Variants in LRCH1 observed in about 807,000 individuals in gnomAD.
The protein encoded by LRCH1 is leucine-rich repeat and calponin homology domain-containing protein 1.
In LRCH1, 23 loss-of-function variants were observed where a neutral mutation model predicts 94.9. That is an observed-to-expected ratio of 0.24 (90% CI 0.17 to 0.34). The LOEUF is 0.34. LRCH1 is among the 10% of genes least tolerant of loss of function. The pLI, the probability that LRCH1 is intolerant of heterozygous loss-of-function variation, is 1.00. For missense variants in LRCH1, 790 were observed against 945.9 expected, an observed-to-expected ratio of 0.84 and a Z score of 2.16; for synonymous variants, 364 against 354.9, an observed-to-expected ratio of 1.03 and a Z score of -0.29.
exon 19 of LRCH1, chr13:46,750,560 C>T (rs751194615): frequency 6.4e-7 from 1 of 1,551,498 alleles, no homozygotes; most frequent in Non-Finnish European, 8.7e-7. Context: ...GTCTCCCCCA[C>T]CACATCCTTG....
At chr13:46,678,448 T>C (rs546419782) in intron 3 of LRCH1, among the ~76,000 whole-genome samples, 6 of 152,344 alleles carry the variant, frequency 3.9e-5, no homozygotes, top group Admixed American at 2.0e-4. Context: ...TGTTATCTTA[T>C]GTGCTAAATC....
chr13:46,750,684 G>GC, exon 19 of LRCH1: 3 of 1,439,444 alleles, frequency 2.1e-6, no homozygotes, highest in Non-Finnish European at 2.9e-6. Flanking sequence ...CTCAGACTCT[G>GC]CTCTCATCCA....
At chr13:46,629,951 G>T (rs1219365872) in intron 1 of LRCH1, among the ~76,000 whole-genome samples, 4 of 152,198 alleles carry the variant, frequency 2.6e-5, no homozygotes, top group Non-Finnish European at 1.5e-5. Context: ...GAATGAATAG[G>T]ATTAAAGTAA....
intron 1 of LRCH1, among the ~76,000 whole-genome samples, chr13:46,641,142 G>C (rs1164527953): frequency 6.6e-6 from 1 of 152,170 alleles, no homozygotes; most frequent in Admixed American, 6.5e-5. Flanking sequence ...GGGGTGTCTA[G>C]AGGAGTGGGA....
chr13:46,655,485 A>G (rs1349096494), intron 2 of LRCH1, among the ~76,000 whole-genome samples: 2 of 152,228 alleles, frequency 1.3e-5, no homozygotes, highest in Non-Finnish European at 2.9e-5. Flanking sequence ...TTAGTTTAGT[A>G]TATGTGCCAC....
intron 1 of LRCH1, among the ~76,000 whole-genome samples, chr13:46,621,625 T>C (rs2050881030): frequency 6.6e-6 from 1 of 152,190 alleles, no homozygotes; most frequent in South Asian, 2.1e-4. Flanking sequence ...TTGTTTCCCA[T>C]TGCTCTAACT....
intron 2 of LRCH1, among the ~76,000 whole-genome samples, chr13:46,659,459 C>G (rs1272160120): frequency 6.6e-6 from 1 of 152,126 alleles, no homozygotes; most frequent in East Asian, 1.9e-4. Context: ...TCCCAAAGTG[C>G]TAGGACTGTA....
intron 1 of LRCH1, among the ~76,000 whole-genome samples, chr13:46,609,131 C>A (rs934933380): frequency 6.6e-6 from 1 of 152,208 alleles, no homozygotes; most frequent in African/African-American, 2.4e-5. Flanking sequence ...CAATTTAAAA[C>A]CAGGTGAGCA....
chr13:46,609,548 G>A (rs2050724710), intron 1 of LRCH1, among the ~76,000 whole-genome samples: 1 of 152,048 alleles, frequency 6.6e-6, no homozygotes, highest in Non-Finnish European at 1.5e-5. Flanking sequence ...GTCTCATAGA[G>A]AGTTTTAAAA....
At chr13:46,710,576 T>A (rs183281785) in intron 13 of LRCH1, among the ~76,000 whole-genome samples, 170 of 152,264 alleles carry the variant, frequency 1.1e-3, no homozygotes, top group Non-Finnish European at 1.6e-3. Flanking sequence ...AAAGAATTGC[T>A]TATAGAAAGA....
chr13:46,700,885 G>C (rs1203916822), intron 10 of LRCH1, among the ~76,000 whole-genome samples: 1 of 152,208 alleles, frequency 6.6e-6, no homozygotes, highest in African/African-American at 2.4e-5. Context: ...GCACAGGCAT[G>C]AAAATCTTAT....
chr13:46,745,142 T>C (rs1873859479), downstream of LRCH1, among the ~76,000 whole-genome samples: 1 of 152,236 alleles, frequency 6.6e-6, no homozygotes, highest in South Asian at 2.1e-4. Flanking sequence ...TTTAGGCTTC[T>C]TGGGCCATGC....
At chr13:46,564,405 A>G (rs952317389) in intron 1 of LRCH1, among the ~76,000 whole-genome samples, 2 of 152,240 alleles carry the variant, frequency 1.3e-5, no homozygotes, top group Non-Finnish European at 2.9e-5. Context: ...CAGTTCCAAC[A>G]TGAAATCCCG....
At chr13:46,692,315 C>T (rs1203886905) in intron 7 of LRCH1, among the ~76,000 whole-genome samples, 1 of 152,114 alleles carries the variant, frequency 6.6e-6, no homozygotes, top group Admixed American at 6.5e-5. Flanking sequence ...CCCAGAAAGC[C>T]CCACCCCGAC....
intron 1 of LRCH1, among the ~76,000 whole-genome samples, chr13:46,585,572 C>CAAAA (rs75737018): frequency 8.9e-5 from 12 of 134,740 alleles, no homozygotes; most frequent in South Asian, 7.3e-4. Flanking sequence ...AAAAAAAAAA[C>CAAAA]AAAAAAACGC....
intron 1 of LRCH1, among the ~76,000 whole-genome samples, chr13:46,587,624 G>A (rs1264563838): frequency 6.6e-6 from 1 of 152,168 alleles, no homozygotes; most frequent in African/African-American, 2.4e-5. Flanking sequence ...TAACGGTCAT[G>A]GTTAGTTAGG....
chr13:46,669,238 T>A (rs899210661), intron 3 of LRCH1, 82 bp downstream of exon 3: 30 of 1,535,738 alleles, frequency 2.0e-5, no homozygotes, highest in African/African-American at 1.9e-4. Flanking sequence ...ACCTTTTTGC[T>A]ACGGTTGGAC....
chr13:46,627,477 G>C (rs905183489), intron 1 of LRCH1, among the ~76,000 whole-genome samples: 8 of 152,008 alleles, frequency 5.3e-5, no homozygotes, highest in Non-Finnish European at 1.2e-4. Context: ...AAAAAATCGA[G>C]AAGTTGAATG....
chr13:46,741,632 C>CTCGGA lies in LRCH1; in HGVS notation c.2086-9_2086-5dup. 6.2e-7 allele frequency: 1 copy of CTCGGA among 1,614,004 alleles called. No individual in the cohort carries two copies. Among genetic ancestry groups the CTCGGA allele is most frequent in the Non-Finnish European group, 8.5e-7 (1 of 1,179,936 alleles). ...GTCTCTTTCTGTTCTAATGGCTGCC[C>CTCGGA]TCGGAATAGGCTGACCTCTGCTCTC... On this transcript the variant is annotated splice_polypyrimidine_tract_variant and intron_variant, in intron 19 of 19. Coordinates refer to ENST00000389797, the MANE Select transcript of LRCH1 (RefSeq NM_001164211.2).
Sources: gnomAD v4.1 joint callset for allele counts (sites outside exome capture counted in the v4.1 genomes callset) on GRCh38, gnomAD v4.1.1 for gene constraint, MANE v1.5 for transcripts, NCBI Gene and HGNC (gene_info 2026-07-23, HGNC 2026-07-21) for gene names.